Variants in STXBP5L observed in about 807,000 individuals in gnomAD.
STXBP5L encodes syntaxin-binding protein 5-like.
In STXBP5L, 65 loss-of-function variants were observed where a neutral mutation model predicts 144.5. That is an observed-to-expected ratio of 0.45 (90% CI 0.37 to 0.55). The LOEUF (loss-of-function observed/expected upper bound fraction) is 0.55, where lower values mean the gene tolerates loss of function less well. Ranked by LOEUF, STXBP5L falls within the 20% of genes least tolerant of loss-of-function variation. The pLI is 0.00. For synonymous variants in STXBP5L, 505 were observed against 469.6 expected, an observed-to-expected ratio of 1.08 and a Z score of -0.97; for missense variants, 1,298 against 1,405.5, an observed-to-expected ratio of 0.92 and a Z score of 1.22.
At chr3:121,118,347 G>A (rs190938767) in intron 6 of STXBP5L, among the ~76,000 whole-genome samples, 1 of 151,804 alleles carries the variant, frequency 6.6e-6, no homozygotes, top group Admixed American at 6.6e-5. Flanking sequence ...TCAGTTAGAT[G>A]AGTAAAATAC....
intron 12 of STXBP5L, among the ~76,000 whole-genome samples, chr3:121,235,178 G>A (rs1270569313): frequency 2.6e-5 from 4 of 151,898 alleles, no homozygotes; most frequent in Admixed American, 1.3e-4. Flanking sequence ...TAAAATCTAT[G>A]TGGCATTCCC....
intron 5 of STXBP5L, among the ~76,000 whole-genome samples, chr3:121,047,277 G>T (rs1295110323): frequency 1.3e-5 from 2 of 152,162 alleles, no homozygotes; most frequent in African/African-American, 4.8e-5. Context: ...CCAATTGTGT[G>T]GTTGATTTTA....
intron 5 of STXBP5L, among the ~76,000 whole-genome samples, chr3:121,060,763 G>T (rs546662535): frequency 1.3e-5 from 2 of 152,260 alleles, no homozygotes; most frequent in African/African-American, 4.8e-5. Flanking sequence ...TTTCCATAGA[G>T]GTGTTTATAG....
At chr3:121,348,587 T>A (rs930789890) in intron 20 of STXBP5L, among the ~76,000 whole-genome samples, 1 of 152,134 alleles carries the variant, frequency 6.6e-6, no homozygotes, top group Non-Finnish European at 1.5e-5. Flanking sequence ...CATCTGGTCC[T>A]AGACTTTTTT....
chr3:121,163,952 G>A (rs1185461973), intron 9 of STXBP5L, among the ~76,000 whole-genome samples: 1 of 151,540 alleles, frequency 6.6e-6, no homozygotes, highest in Non-Finnish European at 1.5e-5. Flanking sequence ...GGTTTATTGG[G>A]GTATAGTTCA....
At chr3:121,019,859 C>G (rs941345676) in intron 3 of STXBP5L, among the ~76,000 whole-genome samples, 7 of 152,088 alleles carry the variant, frequency 4.6e-5, no homozygotes, top group Non-Finnish European at 8.8e-5. Flanking sequence ...TATGACAAAA[C>G]AAGGTTCTTT....
Position 121,421,243 on chromosome 3 carries a change from T to C in STXBP5L, c.*2146T>C, listed in dbSNP as rs752516014. ...AAAAGAGTAAAATATTAGTTTATTTTAGAAATAATGAAATTCAGTCCAAAG... is the reference window on the plus strand; with the variant it reads ...AAAAGAGTAAAATATTAGTTTATTTCAGAAATAATGAAATTCAGTCCAAAG... On this transcript the variant is annotated 3_prime_UTR_variant, in exon 27 of 27. Transcript: ENST00000471454. 1.3e-5 allele frequency: 2 copies of C among 152,190 alleles called. No individual in the cohort carries two copies. The highest frequency in any genetic ancestry group is 2.9e-5 in the Non-Finnish European group (2 of 68,030). The allele number at this position is 152,190 out of a possible 1,614,324, so 9.4% of individuals were successfully genotyped here.
chr3:121,372,601 G>A (rs2046065704), intron 20 of STXBP5L, among the ~76,000 whole-genome samples: 1 of 152,124 alleles, frequency 6.6e-6, no homozygotes, highest in African/African-American at 2.4e-5. Flanking sequence ...CAGGGAACAA[G>A]TCGTGGTGTG....
At chr3:120,966,983 A>T (rs1576513095) in intron 3 of STXBP5L, among the ~76,000 whole-genome samples, 1 of 151,836 alleles carries the variant, frequency 6.6e-6, no homozygotes, top group African/African-American at 2.4e-5. Flanking sequence ...TGCTTTGTTT[A>T]CCTACTCAAG....
At chr3:121,325,884 T>C (rs553560715) in intron 20 of STXBP5L, among the ~76,000 whole-genome samples, 1 of 152,024 alleles carries the variant, frequency 6.6e-6, no homozygotes, top group South Asian at 2.1e-4. Flanking sequence ...TTCTATAGCT[T>C]TCCCAAGGTC....
At chr3:121,322,901 G>C (rs984315139) in intron 20 of STXBP5L, among the ~76,000 whole-genome samples, 4 of 152,168 alleles carry the variant, frequency 2.6e-5, no homozygotes, top group Non-Finnish European at 2.9e-5. Context: ...ACTGGTTTAA[G>C]ATGGTATCTC....
chr3:121,214,829 G>A (rs2048713439), intron 10 of STXBP5L, among the ~76,000 whole-genome samples: 1 of 152,036 alleles, frequency 6.6e-6, no homozygotes. Flanking sequence ...CTATTATTGT[G>A]TGGGAGTCTA....
At chr3:121,330,505 C>A (rs2044289163) in intron 20 of STXBP5L, among the ~76,000 whole-genome samples, 1 of 152,168 alleles carries the variant, frequency 6.6e-6, no homozygotes, top group Non-Finnish European at 1.5e-5. Flanking sequence ...ACACAAAGGA[C>A]AGAAACTTTT....
At chr3:121,340,726 G>A (rs1026306505) in intron 20 of STXBP5L, among the ~76,000 whole-genome samples, 1 of 151,956 alleles carries the variant, frequency 6.6e-6, no homozygotes, top group Non-Finnish European at 1.5e-5. Context: ...TATAACACTG[G>A]GTTTGCGGTG....
intron 9 of STXBP5L, among the ~76,000 whole-genome samples, chr3:121,178,990 G>C (rs984483152): frequency 6.6e-6 from 1 of 151,962 alleles, no homozygotes; most frequent in African/African-American, 2.4e-5. Context: ...TGGCAGATAC[G>C]AGCACAGGTG....
chr3:121,109,170 C>T (rs543989095), intron 5 of STXBP5L, among the ~76,000 whole-genome samples: 2 of 152,026 alleles, frequency 1.3e-5, no homozygotes, highest in East Asian at 1.9e-4. Flanking sequence ...TTTCATTATT[C>T]TTTCAAAAAA....
intron 2 of STXBP5L, among the ~76,000 whole-genome samples, chr3:120,916,572 A>G (rs1709113533): frequency 6.6e-6 from 1 of 152,194 alleles, no homozygotes; most frequent in Non-Finnish European, 1.5e-5. Context: ...AAGTGCTGGG[A>G]TTACAGCCGT....
In STXBP5L at chr3:121,037,792, C is replaced by T. The variant is rs187570314; in HGVS notation, c.288-3908C>T. On this transcript the variant is annotated intron_variant, in intron 3 of 26. Coordinates refer to ENST00000471454, the MANE Select transcript of STXBP5L (RefSeq NM_001308330.2). ...TATTTTATAAGTAATGGTATCTTGA[C>T]CTGGAGTTTTCTTTGAGGAAATAAT... Among the ~76,000 whole-genome samples, 459 of 151,936 alleles carry T rather than the reference C, an allele frequency of 3.0e-3. 2 individuals are homozygous for T. The highest frequency in any genetic ancestry group is 5.4e-3 in the Non-Finnish European group (364 of 67,964).
chr3:121,410,992 T>C (rs2047102789), intron 23 of STXBP5L, among the ~76,000 whole-genome samples: 1 of 152,094 alleles, frequency 6.6e-6, no homozygotes, highest in African/African-American at 2.4e-5. Flanking sequence ...CTCCACCCTT[T>C]AATTTGACTG....
Sources: allele counts gnomAD v4.1 joint callset (sites outside exome capture counted in the v4.1 genomes callset), GRCh38; gene constraint gnomAD v4.1.1; transcripts MANE v1.5; gene names NCBI Gene and HGNC (gene_info 2026-07-23, HGNC 2026-07-21).